ADARB2: variants seen among roughly 807,000 people sequenced by gnomAD.
ADARB2 encodes the protein inactive double-stranded RNA-specific editase B2.
Under a neutral mutation model 62.2 loss-of-function variants are expected in ADARB2, and 25 were observed. That is an observed-to-expected ratio of 0.40 (90% CI 0.29 to 0.56). The LOEUF (loss-of-function observed/expected upper bound fraction) is 0.56. Ranked by LOEUF, ADARB2 falls within the 20% of genes least tolerant of loss-of-function variation. The pLI is 0.43. For synonymous variants in ADARB2, 572 were observed against 500.8 expected, an observed-to-expected ratio of 1.14 and a Z score of -1.90; for missense variants, 1,071 against 1,077.4, an observed-to-expected ratio of 0.99 and a Z score of 0.08.
At chr10:1,558,781 C>A (rs1477976531) in intron 1 of ADARB2, among the ~76,000 whole-genome samples, 1 of 152,056 alleles carries the variant, frequency 6.6e-6, no homozygotes, top group African/African-American at 2.4e-5. Context: ...GTGCTCAGCC[C>A]CCGCATGCTC....
chr10:1,244,688 T>C (rs7900341), intron 4 of ADARB2, among the ~76,000 whole-genome samples: 128,668 of 152,174 alleles, frequency 0.85, 54,506 homozygotes, highest in Middle Eastern at 0.91. Context: ...CAGCATGAGA[T>C]GTCGTATGAG....
At chr10:1,234,100 A>C (rs10794732) in intron 5 of ADARB2, among the ~76,000 whole-genome samples, 8 of 150,662 alleles carry the variant, frequency 5.3e-5, no homozygotes, top group Admixed American at 3.3e-4. Flanking sequence ...GTATCAAGTG[A>C]TACTCAGCCT....
At chr10:1,265,532 G>A (rs1230377114) in intron 4 of ADARB2, among the ~76,000 whole-genome samples, 1 of 152,038 alleles carries the variant, frequency 6.6e-6, no homozygotes, top group Non-Finnish European at 1.5e-5. Flanking sequence ...CCTCCCAGAA[G>A]ACGCCCTGAG....
intron 1 of ADARB2, among the ~76,000 whole-genome samples, chr10:1,419,762 A>G (rs900719579): frequency 2.0e-5 from 3 of 152,244 alleles, no homozygotes; most frequent in Non-Finnish European, 4.4e-5. Flanking sequence ...CCTTCATCAC[A>G]TGAATCTAAA....
rs538120195 is a variant in ADARB2 at position 1,713,737 on chromosome 10, G to A, written c.100+23314C>T. ...CTCCATGGGTGAAGTGCCATGCTCC[G>A]GTCCCGTGGGGAACATGGAAAGATC... On this transcript the variant is annotated intron_variant, in intron 1 of 9. Coordinates refer to ENST00000381312, the MANE Select transcript of ADARB2 (RefSeq NM_018702.4). Among the ~76,000 whole-genome samples, 10 of 152,234 alleles carry A rather than the reference G, an allele frequency of 6.6e-5. No individual in the cohort carries two copies. The East Asian group carries it at 1.4e-3, about 21-fold the overall frequency.
chr10:1,320,713 A>C (rs1209271066), intron 3 of ADARB2, among the ~76,000 whole-genome samples: 1 of 152,188 alleles, frequency 6.6e-6, no homozygotes, highest in Non-Finnish European at 1.5e-5. Context: ...TGTTGGTCCT[A>C]TTTTTCTATA....
At chr10:1,500,630 T>C (rs1256903412) in intron 1 of ADARB2, among the ~76,000 whole-genome samples, 1 of 152,210 alleles carries the variant, frequency 6.6e-6, no homozygotes, top group African/African-American at 2.4e-5. Flanking sequence ...AAGAAAATTT[T>C]GATTAGGGCG....
chr10:1,521,273 G>A (rs1206423482), intron 1 of ADARB2, among the ~76,000 whole-genome samples: 3 of 152,206 alleles, frequency 2.0e-5, no homozygotes, highest in Admixed American at 1.3e-4. Context: ...ACAATAGAAT[G>A]TAGTGGTTAA....
At chr10:1,385,897 G>C (rs1270189663) in intron 1 of ADARB2, among the ~76,000 whole-genome samples, 1 of 152,030 alleles carries the variant, frequency 6.6e-6, no homozygotes, top group African/African-American at 2.4e-5. Context: ...AGAGAAACAG[G>C]ACATCTTACA....
chr10:1,230,059 G>A (rs1830789590), intron 6 of ADARB2, among the ~76,000 whole-genome samples: 1 of 152,098 alleles, frequency 6.6e-6, no homozygotes, highest in Non-Finnish European at 1.5e-5. Flanking sequence ...GGGGCCAGAG[G>A]CAGAGAGCAC....
At chr10:1,515,444 C>T (rs1831996468) in intron 1 of ADARB2, among the ~76,000 whole-genome samples, 1 of 152,256 alleles carries the variant, frequency 6.6e-6, no homozygotes, top group African/African-American at 2.4e-5. Flanking sequence ...ACCATTACAG[C>T]TTTCTGGGTG....
chr10:1,472,861 G>T (rs974598372), intron 1 of ADARB2, among the ~76,000 whole-genome samples: 1 of 152,156 alleles, frequency 6.6e-6, no homozygotes, highest in Non-Finnish European at 1.5e-5. Context: ...GGAGTGTCGG[G>T]TGCCATCAGG....
intron 1 of ADARB2, among the ~76,000 whole-genome samples, chr10:1,384,215 G>A (rs1297983238): frequency 6.6e-6 from 1 of 152,232 alleles, no homozygotes; most frequent in African/African-American, 2.4e-5. Context: ...TTCCCTCATT[G>A]TGAAGAAGGA....
At chr10:1,254,917 T>G (rs12359356) in intron 4 of ADARB2, among the ~76,000 whole-genome samples, 41,415 of 152,212 alleles carry the variant, frequency 0.27, 6,964 homozygotes, top group South Asian at 0.5. Flanking sequence ...GGCAACTGAT[T>G]AGTGAATCCC....
chr10:1,379,007 C>T (rs1832458596), intron 2 of ADARB2, 67 bp downstream of exon 2: 12 of 1,396,236 alleles, frequency 8.6e-6, no homozygotes, highest in African/African-American at 1.4e-5. Flanking sequence ...GTTTTGGGGA[C>T]TGCAGGGGAC....
intron 1 of ADARB2, among the ~76,000 whole-genome samples, chr10:1,523,295 G>A (rs907516347): frequency 3.3e-5 from 5 of 152,214 alleles, no homozygotes; most frequent in East Asian, 3.9e-4. Flanking sequence ...TATTTTATCC[G>A]AACATTAGAA....
chr10:1,646,436 G>A (rs1214526193), intron 1 of ADARB2, among the ~76,000 whole-genome samples: 1 of 152,234 alleles, frequency 6.6e-6, no homozygotes, highest in East Asian at 1.9e-4. Flanking sequence ...TCATTGAATA[G>A]GAAGAGAGCA....
chr10:1,383,004 CTT>C (rs1348245072), intron 1 of ADARB2, among the ~76,000 whole-genome samples: 1 of 152,186 alleles, frequency 6.6e-6, no homozygotes, highest in Non-Finnish European at 1.5e-5. Context: ...AGTCAAGAGT[CTT>C]TTTCAGGAAA....
chr10:1,185,534 A>G lies in ADARB2; in HGVS notation c.1865-495T>C, dbSNP rs563207853. 3.1e-4 allele frequency among the ~76,000 whole-genome samples: 47 copies of G among 152,294 alleles called. 1 individual carries two copies. Among genetic ancestry groups the G allele is most frequent in the African/African-American group, 8.7e-4 (36 of 41,556 alleles). Reference sequence around the variant, plus strand: ...ACAAAACAATAAAAACCAGGCAGAAATGAGTGTAGGATCAATTGATCCGCA... The same window carrying G: ...ACAAAACAATAAAAACCAGGCAGAAGTGAGTGTAGGATCAATTGATCCGCA... On this transcript the variant is annotated intron_variant, in intron 8 of 9. Transcript: ENST00000381312.
Sources: gnomAD v4.1 joint callset for allele counts (sites outside exome capture counted in the v4.1 genomes callset) on GRCh38, gnomAD v4.1.1 for gene constraint, MANE v1.5 for transcripts, NCBI Gene and HGNC (gene_info 2026-07-23, HGNC 2026-07-21) for gene names.